Variants in RNF34 observed in about 807,000 individuals in gnomAD.
The protein encoded by RNF34 is ring finger protein 34.
RNF34 carries 12 observed loss-of-function variants against 37.9 expected under a neutral mutation model. The ratio of observed to expected loss-of-function variants is 0.32; its 90% CI spans 0.20 to 0.51. The LOEUF is 0.51. RNF34 is among the 20% of genes least tolerant of loss of function. The probability of loss-of-function intolerance (pLI) is 0.97; values close to 1 mark genes in which losing one functional copy is unlikely to be tolerated. For synonymous variants in RNF34, 155 were observed against 177.2 expected (o/e 0.87, Z 1.00); for missense variants, 362 against 472.7 (o/e 0.77, Z 2.17).
chr12:121,405,359 T>C (rs1222746873), intron 1 of RNF34, among the ~76,000 whole-genome samples: 1 of 152,170 alleles, frequency 6.6e-6, no homozygotes, highest in Non-Finnish European at 1.5e-5. Flanking sequence ...TGGTCTCCAC[T>C]CAACTAGCTG....
chr12:121,422,253 G>A (rs552352113), intron 5 of RNF34, among the ~76,000 whole-genome samples: 2 of 152,296 alleles, frequency 1.3e-5, no homozygotes, highest in Middle Eastern at 3.4e-3. Flanking sequence ...TGGCTTGGGT[G>A]GAACACACAT....
chr12:121,418,550 A>AG (rs1871792728), intron 3 of RNF34: 1 of 152,410 alleles, frequency 6.6e-6, no homozygotes. Context: ...TCTCTGAAGA[A>AG]GGGGGTTATT....
In RNF34 at chr12:121,400,136, A is replaced by G. The variant is rs1403096619; in HGVS notation, c.-77A>G. ...GCGCGGTAATCACCGCCCAGAGGGA[A>G]GGAGGTCGGCAGTGTGAGGAGCTGC... On this transcript the variant is annotated 5_prime_UTR_variant, in exon 1 of 6. Coordinates refer to ENST00000361234, the MANE Select transcript of RNF34 (RefSeq NM_025126.4). The G allele has an allele frequency of 4.2e-5, 64 of 1,536,802 alleles. No homozygotes were observed. Among genetic ancestry groups the G allele is most frequent in the Non-Finnish European group, 5.4e-5 (61 of 1,136,466 alleles).
chr12:121,423,502 T>C lies in RNF34; in HGVS notation c.1045T>C (p.Cys349Arg). The change falls in exon 6 of 6, where the codon TGC (cysteine) becomes CGC (arginine). Residue 349 changes from cysteine to arginine, a missense_variant. By Grantham distance (180) the Cys-to-Arg change is radical. Coordinates refer to ENST00000361234, the MANE Select transcript of RNF34 (RefSeq NM_025126.4). This position sits in a 1 kb window ranked among gnomAD's most constrained non-coding sequence, Gnocchi z 4.3. ...TGGGCACATGGTTACCTGCACCAAG[T>C]GCGGCAAGCGCATGAGTGAGTGTCC... ...ECGHMVTCTK[C>R]GKRMSECPIC... The C allele has an allele frequency of 6.2e-7, 1 of 1,614,172 alleles. No homozygotes were observed. Among genetic ancestry groups the C allele is most frequent in the Non-Finnish European group, 8.5e-7 (1 of 1,180,016 alleles).
chr12:121,407,822 G>A (rs149715112), intron 1 of RNF34, among the ~76,000 whole-genome samples: 22 of 152,286 alleles, frequency 1.4e-4, no homozygotes, highest in Non-Finnish European at 2.4e-4. Context: ...TGACCCTACC[G>A]GATATGGTAA....
At chr12:121,415,875 C>A (rs1871522979) in intron 1 of RNF34, among the ~76,000 whole-genome samples, 1 of 122,558 alleles carries the variant, frequency 8.2e-6, no homozygotes, top group Non-Finnish European at 1.6e-5. Flanking sequence ...TGCCTGTGTA[C>A]ATGTATCTGT....
chr12:121,413,716 T>C (rs1555281731), intron 1 of RNF34, among the ~76,000 whole-genome samples: 1 of 151,766 alleles, frequency 6.6e-6, no homozygotes, highest in African/African-American at 2.4e-5. Flanking sequence ...TAGCTGGGAC[T>C]ACAGGCCCCA....
At position 121,423,443 on chromosome 12, in the gene RNF34, T is replaced by C; in HGVS notation, c.986T>C (p.Met329Thr). ...EEDDSLCRIC[M>T]DAVIDCVLLE... ...GACGACAGCCTGTGTCGCATCTGCA[T>C]GGATGCCGTCATCGACTGTGTCCTA... Residue 329 changes from methionine (M) to threonine (T), a missense_variant, in exon 6 of 6, where the codon ATG (methionine) becomes ACG (threonine). Coordinates refer to ENST00000361234, the MANE Select transcript of RNF34 (RefSeq NM_025126.4). This position sits in a 1 kb window ranked among gnomAD's most constrained non-coding sequence, Gnocchi z 4.3. 6.2e-7 allele frequency: 1 copy of C among 1,613,384 alleles called. No individual in the cohort carries two copies. The highest frequency in any genetic ancestry group is 8.5e-7 in the Non-Finnish European group (1 of 1,179,638).
chr12:121,412,724 C>CTT (rs1409875276), intron 1 of RNF34, among the ~76,000 whole-genome samples: 2,635 of 121,854 alleles, frequency 0.022, 145 homozygotes, highest in African/African-American at 0.079. Context: ...GATGTTCATG[C>CTT]TTTTTTTTTT....
Position 121,417,481 on chromosome 12 carries a change from A to G in RNF34, c.226-23A>G. On this transcript the variant is annotated intron_variant, in intron 2 of 5. Transcript: ENST00000361234. The surrounding 1 kb of genome is among the most constrained non-coding windows in gnomAD (Gnocchi z 5.0). ...TCATAATGGTTTATATCTTGCTGTC[A>G]TCAAATGCTTTTCTTTCTTCAGCAT... 4 of 1,594,920 alleles carry G rather than the reference A, an allele frequency of 2.5e-6. No individual in the cohort carries two copies. The highest frequency in any genetic ancestry group is 2.2e-5 in the East Asian group (1 of 44,726).
intron 1 of RNF34, among the ~76,000 whole-genome samples, chr12:121,408,786 CA>C (rs1426698764): frequency 6.6e-6 from 1 of 152,120 alleles, no homozygotes; most frequent in Non-Finnish European, 1.5e-5. Flanking sequence ...ACTTTCTCCT[CA>C]TATTGGGAGA....
intron 1 of RNF34, among the ~76,000 whole-genome samples, chr12:121,405,473 A>G (rs1870436834): frequency 6.6e-6 from 1 of 151,732 alleles, no homozygotes; most frequent in Admixed American, 6.6e-5. Context: ...TTTAATTTCC[A>G]TTTGTCTTCT....
chr12:121,406,996 G>A lies in RNF34; in HGVS notation c.6+6778G>A, dbSNP rs529016037. Reference sequence around the variant, plus strand: ...ATATTGAGTGACGCTAAAGTTTGGGGTACAGTTGGTCCCGCCAGCAGGTAG... The same window carrying A: ...ATATTGAGTGACGCTAAAGTTTGGGATACAGTTGGTCCCGCCAGCAGGTAG... On this transcript the variant is annotated intron_variant, in intron 1 of 5. Transcript: ENST00000361234. 5.9e-5 allele frequency among the ~76,000 whole-genome samples: 9 copies of A among 152,224 alleles called. No homozygotes were observed. In the South Asian group the frequency reaches 1.5e-3, roughly 25 times the overall value.
chr12:121,417,580 C>T lies in RNF34; in HGVS notation c.302C>T (p.Thr101Ile). ...VLQENLRRCS[T>I]CHLLQETAFQ... is the part of the protein sequence containing the mutation. ...CAAGAAAATCTCCGTAGATGTTCTA[C>T]TTGTCACTTATTACAAGAGACAGCA... The change falls in exon 3 of 6, where the codon ACT becomes ATT. Residue 101 changes from threonine (T) to isoleucine (I), a missense_variant. Physicochemically the swap from Thr to Ile is moderately conservative, Grantham distance 89. Coordinates refer to ENST00000361234, the MANE Select transcript of RNF34 (RefSeq NM_025126.4). This position sits in a 1 kb window ranked among gnomAD's most constrained non-coding sequence, Gnocchi z 5.0. 1 of 1,614,076 alleles carries T rather than the reference C, an allele frequency of 6.2e-7. No individual in the cohort carries two copies.
At position 121,416,295 on chromosome 12, in the gene RNF34, C is replaced by T. The variant is rs1555282188; in HGVS notation, c.143C>T (p.Ser48Phe). ...AGATTTACACCAAACCCTGAGTTTT[C>T]CACCTACCCACCAGCAGCTACGGAA... Reference protein sequence around the residue: ...PFRFTPNPEFSTYPPAATEGP... With the variant: ...PFRFTPNPEFFTYPPAATEGP... Residue 48 changes from serine to phenylalanine, a missense_variant, in exon 2 of 6, where the codon TCC becomes TTC. Transcript: ENST00000361234. The T allele has an allele frequency of 1.9e-6, 3 of 1,614,002 alleles. No individual in the cohort carries two copies. The highest frequency in any genetic ancestry group is 2.2e-5 in the East Asian group (1 of 44,898).
At chr12:121,406,417 G>C (rs1870539876) in intron 1 of RNF34, among the ~76,000 whole-genome samples, 1 of 151,926 alleles carries the variant, frequency 6.6e-6, no homozygotes, top group Non-Finnish European at 1.5e-5. Context: ...CTCCCCAGTG[G>C]CTGGGACTAC....
At chr12:121,412,139 G>A (rs782413627) in intron 1 of RNF34, among the ~76,000 whole-genome samples, 1 of 151,410 alleles carries the variant, frequency 6.6e-6, no homozygotes, top group Non-Finnish European at 1.5e-5. Context: ...TTGGCTCACT[G>A]CAAACTCCGC....
At chr12:121,402,685 T>G (rs1555280156) in intron 1 of RNF34, 4 of 1,114,540 alleles carry the variant, frequency 3.6e-6, no homozygotes, top group Non-Finnish European at 5.2e-6. Context: ...AAATGAGATA[T>G]CAAGGAGAAA....
At chr12:121,421,073 G>C (rs1555283276) in intron 5 of RNF34, among the ~76,000 whole-genome samples, 3 of 152,022 alleles carry the variant, frequency 2.0e-5, no homozygotes, top group African/African-American at 7.3e-5. Context: ...CCTCGTCTCT[G>C]TAAAAATGCT....
Sources: allele counts gnomAD v4.1 joint callset (sites outside exome capture counted in the v4.1 genomes callset), GRCh38; gene constraint gnomAD v4.1.1; non-coding constraint Gnocchi (gnomAD v3.1); transcripts MANE v1.5; gene names NCBI Gene and HGNC (gene_info 2026-07-23, HGNC 2026-07-21).